The following CNTN4 variants were observed in gnomAD, a reference collection of about 807,000 sequenced individuals.
CNTN4 encodes contactin 4.
Under a neutral mutation model 122.5 loss-of-function variants are expected in CNTN4, and 77 were observed. The observed-to-expected ratio is 0.63, with a 90% confidence interval of 0.52 to 0.76. CNTN4 has a LOEUF of 0.76. Ranked by LOEUF, CNTN4 falls within the 30% of genes least tolerant of loss-of-function variation. The pLI is 0.00. For synonymous variants in CNTN4, 512 were observed against 447.0 expected (o/e 1.15, Z -1.83); for missense variants, 1,256 against 1,259.1 (o/e 1.00, Z 0.04).
At chr3:2,624,225 T>C (rs952004664) in intron 4 of CNTN4, among the ~76,000 whole-genome samples, 1 of 152,206 alleles carries the variant, frequency 6.6e-6, no homozygotes. Context: ...AATACTATCC[T>C]GAAAAAGCAT....
chr3:2,188,777 T>C (rs1287627774), intron 2 of CNTN4, among the ~76,000 whole-genome samples: 1 of 152,192 alleles, frequency 6.6e-6, no homozygotes, highest in Non-Finnish European at 1.5e-5. Flanking sequence ...GTAGGAATTC[T>C]TTAGCCTGCA....
At chr3:2,380,059 A>AAAAAC (rs1408140896) in intron 3 of CNTN4, among the ~76,000 whole-genome samples, 2 of 137,514 alleles carry the variant, frequency 1.5e-5, no homozygotes, top group African/African-American at 5.1e-5. Context: ...CTCCATCTCA[A>AAAAAC]AAAAAAAAAA....
chr3:2,828,037 A>T (rs1430883540), intron 7 of CNTN4, among the ~76,000 whole-genome samples: 1 of 152,106 alleles, frequency 6.6e-6, no homozygotes, highest in African/African-American at 2.4e-5. Flanking sequence ...TGGGAACATG[A>T]TTGAAGGTAC....
At chr3:2,273,807 GGTTA>G (rs1166551890) in intron 2 of CNTN4, among the ~76,000 whole-genome samples, 1 of 152,000 alleles carries the variant, frequency 6.6e-6, no homozygotes, top group Non-Finnish European at 1.5e-5. Flanking sequence ...TTGTTATCCT[GGTTA>G]GTTAACAACT....
At chr3:2,947,392 G>C (rs2094690065) in intron 13 of CNTN4, among the ~76,000 whole-genome samples, 1 of 152,172 alleles carries the variant, frequency 6.6e-6, no homozygotes, top group Non-Finnish European at 1.5e-5. Flanking sequence ...AGGCAATAGT[G>C]CTTGTACATC....
At chr3:2,532,356 G>T (rs1037122852) in intron 3 of CNTN4, among the ~76,000 whole-genome samples, 1 of 152,042 alleles carries the variant, frequency 6.6e-6, no homozygotes, top group Non-Finnish European at 1.5e-5. Flanking sequence ...CTGGGCTCAG[G>T]TGGACCTCCT....
intron 3 of CNTN4, among the ~76,000 whole-genome samples, chr3:2,455,112 T>C (rs1468593787): frequency 6.6e-6 from 1 of 152,160 alleles, no homozygotes; most frequent in Non-Finnish European, 1.5e-5. Flanking sequence ...AGAGAGGATA[T>C]GTGTGAGACC....
At chr3:2,401,495 T>C (rs979832506) in intron 3 of CNTN4, among the ~76,000 whole-genome samples, 5 of 152,196 alleles carry the variant, frequency 3.3e-5, no homozygotes, top group African/African-American at 1.2e-4. Flanking sequence ...CACTTTATTA[T>C]GTTTTTGTGT....
intron 3 of CNTN4, among the ~76,000 whole-genome samples, chr3:2,484,188 T>A (rs2076082264): frequency 6.6e-6 from 1 of 151,872 alleles, no homozygotes; most frequent in Non-Finnish European, 1.5e-5. Context: ...AGACAGCAAA[T>A]AATTATATGA....
At chr3:2,850,835 AT>A (rs1026429407) in intron 7 of CNTN4, among the ~76,000 whole-genome samples, 3 of 151,570 alleles carry the variant, frequency 2.0e-5, no homozygotes, top group African/African-American at 7.3e-5. Context: ...CCAGAGATGG[AT>A]TTTTTTTTCC....
intron 3 of CNTN4, among the ~76,000 whole-genome samples, chr3:2,434,714 A>C (rs2616573): frequency 5.1e-4 from 77 of 152,248 alleles, no homozygotes; most frequent in Middle Eastern, 3.4e-3. Context: ...AAAGTTCTCT[A>C]TGACTACAAT....
At chr3:2,107,538 C>T (rs935718299) in intron 2 of CNTN4, among the ~76,000 whole-genome samples, 2 of 152,118 alleles carry the variant, frequency 1.3e-5, no homozygotes, top group Admixed American at 6.5e-5. Flanking sequence ...CTCCCATGAT[C>T]CAGTCACCTC....
chr3:2,389,047 G>C (rs2046350144), intron 3 of CNTN4, among the ~76,000 whole-genome samples: 1 of 151,628 alleles, frequency 6.6e-6, no homozygotes, highest in Non-Finnish European at 1.5e-5. Context: ...TGTAATCCCA[G>C]CTACTCCGGA....
intron 16 of CNTN4, among the ~76,000 whole-genome samples, chr3:3,033,893 G>A (rs188190541): frequency 5.9e-5 from 9 of 152,236 alleles, no homozygotes; most frequent in African/African-American, 1.4e-4. Context: ...CAGAAACAAC[G>A]AACATCAGGA....
intron 4 of CNTN4, among the ~76,000 whole-genome samples, chr3:2,712,924 G>C (rs1317578741): frequency 6.6e-6 from 1 of 152,178 alleles, no homozygotes; most frequent in African/African-American, 2.4e-5. Context: ...AGCAGGGCGT[G>C]GAAGCTCCAC....
chr3:2,331,760 A>G (rs996872177), intron 2 of CNTN4, among the ~76,000 whole-genome samples: 1 of 152,024 alleles, frequency 6.6e-6, no homozygotes, highest in African/African-American at 2.4e-5. Flanking sequence ...GGGGCTCAAG[A>G]CCCCGAGTTT....
intron 7 of CNTN4, among the ~76,000 whole-genome samples, chr3:2,839,208 A>G (rs1332162713): frequency 2.0e-5 from 3 of 152,238 alleles, no homozygotes; most frequent in African/African-American, 7.2e-5. Flanking sequence ...AGGAATTGCC[A>G]TATGATATAA....
At chr3:2,826,403 G>A (rs1442512750) in intron 7 of CNTN4, among the ~76,000 whole-genome samples, 1 of 152,118 alleles carries the variant, frequency 6.6e-6, no homozygotes, top group African/African-American at 2.4e-5. Context: ...ATTTTACGTG[G>A]ACATACCCAT....
intron 2 of CNTN4, among the ~76,000 whole-genome samples, chr3:2,146,729 GA>G (rs2035262472): frequency 6.6e-6 from 1 of 152,118 alleles, no homozygotes; most frequent in Non-Finnish European, 1.5e-5. Flanking sequence ...TCCCTACCCT[GA>G]TATGTGTCAG....
Sources: allele counts gnomAD v4.1 joint callset (sites outside exome capture counted in the v4.1 genomes callset), GRCh38; gene constraint gnomAD v4.1.1; transcripts MANE v1.5; gene names NCBI Gene and HGNC (gene_info 2026-07-23, HGNC 2026-07-21).